The following ADGRF4 variants were observed in gnomAD, a reference collection of about 807,000 sequenced individuals.
ADGRF4 encodes G-protein coupled receptor PGR18.
A neutral mutation model predicts 58.5 loss-of-function variants in ADGRF4; 63 were observed. The observed-to-expected ratio is 1.08, with a 90% CI of 0.88 to 1.33. ADGRF4 has a LOEUF of 1.33. Among genes scored for constraint, ADGRF4 ranks in the 40% most tolerant of loss-of-function variants. ADGRF4 has a pLI of 0.00. For missense variants in ADGRF4, 931 were observed against 843.9 expected (o/e 1.10, Z -1.28); for synonymous variants, 313 against 295.4 (o/e 1.06, Z -0.61).
At chr6:47,717,139 G>C (rs538355044) in intron 7 of ADGRF4, among the ~76,000 whole-genome samples, 153 bp from the exon 8 acceptor site, 1 of 152,242 alleles carries the variant, frequency 6.6e-6, no homozygotes, top group South Asian at 2.1e-4. Flanking sequence ...TTACACCCTA[G>C]CTTTTATCCA....
At chr6:47,712,255 C>T in intron 4 of ADGRF4, 102 bp from the exon 5 acceptor site, 1 of 1,152,948 alleles carries the variant, frequency 8.7e-7, no homozygotes. Flanking sequence ...CTCTTTGCTT[C>T]TCCATCTACC....
chr6:47,715,840 G>A (rs1772000976), intron 6 of ADGRF4, among the ~76,000 whole-genome samples: 1 of 152,094 alleles, frequency 6.6e-6, no homozygotes, highest in Non-Finnish European at 1.5e-5. Flanking sequence ...TTAAAAGCAT[G>A]ATACAAAATA....
Position 47,717,317 on chromosome 6 carries a change from T to C in ADGRF4, c.2000T>C (p.Met667Thr). Residue 667 changes from methionine to threonine, a missense_variant, in exon 8 of 10, where the codon ATG (methionine) becomes ACG (threonine). Coordinates refer to ENST00000283303, the MANE Select transcript of ADGRF4 (RefSeq NM_153838.5). ...HKIRDALRMRMSSLKGKSRAA... is the reference protein window; with the variant it reads ...HKIRDALRMRTSSLKGKSRAA... ...ATAAGAGATGCTTTGAGGATGAGGA[T>C]GTCTTCACTGAAGGGGAAATCGAGG... 1 of 1,612,302 alleles carries C rather than the reference T, an allele frequency of 6.2e-7. No homozygotes were observed. The highest frequency in any genetic ancestry group is 8.5e-7 in the Non-Finnish European group (1 of 1,178,298).
intron 2 of ADGRF4, among the ~76,000 whole-genome samples, chr6:47,707,939 G>T (rs1409747577): frequency 1.3e-5 from 2 of 152,048 alleles, no homozygotes; most frequent in East Asian, 3.8e-4. Flanking sequence ...GTTCTCCCTG[G>T]ATGCTTAAAC....
chr6:47,706,777 T>G (rs2113897451), intron 1 of ADGRF4, among the ~76,000 whole-genome samples: 1 of 152,352 alleles, frequency 6.6e-6, no homozygotes, highest in African/African-American at 2.4e-5. Context: ...GATGTTGGGC[T>G]CATAGTTGCT....
intron 4 of ADGRF4, 24 bp downstream of exon 4, chr6:47,710,910 T>C (rs780037963): frequency 6.2e-7 from 1 of 1,602,924 alleles, no homozygotes; most frequent in Non-Finnish European, 8.5e-7. Context: ...AAATTATTGG[T>C]GACAGAAGCC....
At chr6:47,717,645 C>T (rs1444863404) in intron 8 of ADGRF4, among the ~76,000 whole-genome samples, 3 of 152,158 alleles carry the variant, frequency 2.0e-5, no homozygotes, top group Non-Finnish European at 4.4e-5. Context: ...AATGTGAGAG[C>T]GCTGAAATGA....
chr6:47,706,514 G>A (rs1206304552), intron 1 of ADGRF4, among the ~76,000 whole-genome samples: 3 of 152,200 alleles, frequency 2.0e-5, no homozygotes, highest in African/African-American at 7.2e-5. Flanking sequence ...AACTGGGGGA[G>A]GTCTTTTCCT....
intron 8 of ADGRF4, among the ~76,000 whole-genome samples, chr6:47,717,751 C>T (rs769768413): frequency 6.6e-6 from 1 of 152,158 alleles, no homozygotes; most frequent in Non-Finnish European, 1.5e-5. Flanking sequence ...ACATGGCCAC[C>T]CAGCTAATCA....
chr6:47,714,765 G>A lies in ADGRF4; in HGVS notation c.1520G>A (p.Arg507His), dbSNP rs142222318. 1.2e-4 allele frequency: 187 copies of A among 1,613,834 alleles called. No individual in the cohort carries two copies. Among genetic ancestry groups the A allele is most frequent in the African/African-American group, 4.4e-4 (33 of 75,010 alleles). ...LIIYGILVIF[R>H]RMMKSRMMVI... ...ATTTATGGAATATTGGTCATTTTCC[G>A]TAGGATGATGAAGTCCCGAATGATG... The change falls in exon 6 of 10, where the codon CGT (arginine) becomes CAT (histidine). Residue 507 changes from arginine to histidine, a missense_variant. Physicochemically the swap from Arg to His is conservative, Grantham distance 29. Transcript: ENST00000283303.
rs769412654 is a variant in ADGRF4, at chr6:47,717,367, T to G, written c.2034+16T>G. 1 of 1,582,528 alleles carries G rather than the reference T, an allele frequency of 6.3e-7. No individual in the cohort carries two copies. The highest frequency in any genetic ancestry group is 2.2e-5 in the East Asian group (1 of 44,712). Reference sequence around the variant, plus strand: ...GGCAGCTGAGGTAAGCCTTCCCCTTTTAGTCTCAGCCCTGGAGAGTCCGTG... The same window carrying G: ...GGCAGCTGAGGTAAGCCTTCCCCTTGTAGTCTCAGCCCTGGAGAGTCCGTG... On this transcript the variant is annotated intron_variant, in intron 8 of 9. Coordinates refer to ENST00000283303, the MANE Select transcript of ADGRF4 (RefSeq NM_153838.5).
chr6:47,716,997 C>G (rs1163646859), intron 7 of ADGRF4, 150 bp downstream of exon 7: 2 of 641,892 alleles, frequency 3.1e-6, no homozygotes, highest in Non-Finnish European at 5.6e-6. Flanking sequence ...AAAAAAAAAA[C>G]ACACCAATAT....
intron 2 of ADGRF4, among the ~76,000 whole-genome samples, chr6:47,707,637 C>T (rs1309489209): frequency 6.6e-6 from 1 of 152,182 alleles, no homozygotes; most frequent in Non-Finnish European, 1.5e-5. Flanking sequence ...AATGGAGAGT[C>T]AGATCTTAAT....
chr6:47,716,240 G>A (rs141660939), intron 6 of ADGRF4, among the ~76,000 whole-genome samples: 22 of 151,964 alleles, frequency 1.4e-4, no homozygotes, highest in Admixed American at 2.6e-4. Context: ...TCTGATGAGT[G>A]TTTCTTCACC....
At chr6:47,708,749 G>C (rs1350714243) in intron 3 of ADGRF4, among the ~76,000 whole-genome samples, 2 of 152,186 alleles carry the variant, frequency 1.3e-5, no homozygotes, top group East Asian at 3.8e-4. Context: ...TAATCACTAG[G>C]AGTACTTCAG....
intron 6 of ADGRF4, among the ~76,000 whole-genome samples, chr6:47,716,494 A>G (rs1772022076): frequency 6.6e-6 from 1 of 152,200 alleles, no homozygotes; most frequent in Non-Finnish European, 1.5e-5. Context: ...TCACGAGTAG[A>G]AACAGCTACC....
chr6:47,714,272 C>T lies in ADGRF4; in HGVS notation c.1027C>T (p.Arg343Cys), dbSNP rs773642399. 9.9e-6 allele frequency: 16 copies of T among 1,614,122 alleles called. No homozygotes were observed. The highest frequency in any genetic ancestry group is 8.9e-5 in the East Asian group (4 of 44,874). ...CACCTTCGAAAAGATCAATAAAACCCGCAATGCCAGAGCCCAGTGTGTTGG... is the reference window on the plus strand; with the variant it reads ...CACCTTCGAAAAGATCAATAAAACCTGCAATGCCAGAGCCCAGTGTGTTGG... ...ILTFEKINKT[R>C]NARAQCVGWH... Residue 343 changes from arginine (R) to cysteine (C), a missense_variant, in exon 6 of 10, where the codon CGC becomes TGC. Transcript: ENST00000283303.
intron 3 of ADGRF4, among the ~76,000 whole-genome samples, chr6:47,709,852 T>TTTTTC (rs1283756346): frequency 1.3e-5 from 2 of 151,976 alleles, no homozygotes; most frequent in African/African-American, 2.4e-5. Flanking sequence ...CATCACAGTT[T>TTTTTC]TTTTTTTGTA....
At chr6:47,712,298 G>C in intron 4 of ADGRF4, 59 bp from the exon 5 acceptor site, 1 of 1,556,758 alleles carries the variant, frequency 6.4e-7, no homozygotes, top group Non-Finnish European at 8.8e-7. Flanking sequence ...AACTCCTTTA[G>C]TCTGATACAT....
Sources: allele counts gnomAD v4.1 joint callset (sites outside exome capture counted in the v4.1 genomes callset), GRCh38; gene constraint gnomAD v4.1.1; transcripts MANE v1.5; gene names NCBI Gene and HGNC (gene_info 2026-07-23, HGNC 2026-07-21).